Variants in RNF115 observed in about 807,000 individuals in gnomAD.
RNF115 encodes ring finger protein 115.
A neutral mutation model predicts 39.2 loss-of-function variants in RNF115; 31 were observed. The observed-to-expected ratio is 0.79, with a 90% CI of 0.59 to 1.07. RNF115 has a LOEUF of 1.07. Among genes scored for constraint, RNF115 ranks in the 50% least tolerant of loss-of-function variants. The pLI is 0.00. For synonymous variants in RNF115, 124 were observed against 131.0 expected (o/e 0.95, Z 0.37); for missense variants, 384 against 381.7 (o/e 1.01, Z -0.05).
At chr1:145,819,066 T>C (rs1427813934) in intron 1 of RNF115, among the ~76,000 whole-genome samples, 3 of 145,410 alleles carry the variant, frequency 2.1e-5, no homozygotes, top group African/African-American at 7.5e-5. Context: ...CCTGGAAACA[T>C]ACAACCTCAC....
At chr1:145,808,577 C>A (rs1649560752) in intron 1 of RNF115, among the ~76,000 whole-genome samples, 1 of 152,118 alleles carries the variant, frequency 6.6e-6, no homozygotes, top group Non-Finnish European at 1.5e-5. Flanking sequence ...CTAAAACATA[C>A]AAATCAAGAC....
intron 4 of RNF115, among the ~76,000 whole-genome samples, chr1:145,766,469 C>T (rs1300013944): frequency 2.6e-5 from 4 of 152,152 alleles, no homozygotes; most frequent in Admixed American, 2.0e-4. Flanking sequence ...TTCCACAAAA[C>T]CGCCATTGTC....
At chr1:145,768,013 G>A (rs1209915615) in intron 4 of RNF115, among the ~76,000 whole-genome samples, 2 of 152,170 alleles carry the variant, frequency 1.3e-5, no homozygotes, top group African/African-American at 2.4e-5. Flanking sequence ...AGAGGGAGAG[G>A]GAGAGGGAGC....
rs1303423987 is a variant in RNF115, at chr1:145,739,208, A to T, written c.*7658T>A. On this transcript the variant is annotated 3_prime_UTR_variant, in exon 9 of 9. Coordinates refer to ENST00000582693, the MANE Select transcript of RNF115 (RefSeq NM_014455.4). ...CACAAACTCTCTTCTTTCTCTTTGGACAGATGACCTCTTGTCATAGTTAAG... is the reference window on the plus strand; with the variant it reads ...CACAAACTCTCTTCTTTCTCTTTGGTCAGATGACCTCTTGTCATAGTTAAG... The T allele has an allele frequency of 6.6e-6, 1 of 152,224 alleles. No homozygotes were observed. Among genetic ancestry groups the T allele is most frequent in the Non-Finnish European group, 1.5e-5 (1 of 68,044 alleles). 9.4% of individuals were successfully genotyped at this position (152,224 alleles called of 1,614,324 possible). A position where few individuals can be genotyped will look rare whatever the true frequency, so the allele number is the denominator to read the frequency against.
At chr1:145,807,473 A>ATTTTAAT (rs1293990803) in intron 1 of RNF115, among the ~76,000 whole-genome samples, 1 of 152,194 alleles carries the variant, frequency 6.6e-6, no homozygotes, top group Non-Finnish European at 1.5e-5. Flanking sequence ...TAAACCAACA[A>ATTTTAAT]TTTTAAAGAT....
chr1:145,766,068 G>C (rs1273348455), intron 4 of RNF115, among the ~76,000 whole-genome samples: 1 of 151,844 alleles, frequency 6.6e-6, no homozygotes, highest in Non-Finnish European at 1.5e-5. Context: ...CAGGGTCATA[G>C]GACAATAGTG....
In RNF115 at chr1:145,740,606, C is replaced by A. The variant is rs1435539695; in HGVS notation, c.*6260G>T. 1.3e-5 allele frequency: 2 copies of A among 152,188 alleles called. No individual in the cohort carries two copies. Among genetic ancestry groups the A allele is most frequent in the African/African-American group, 4.8e-5 (2 of 41,412 alleles). The allele number at this position is 152,188 out of a possible 1,614,324, so 9.4% of individuals were successfully genotyped here. On this transcript the variant is annotated 3_prime_UTR_variant, in exon 9 of 9. Coordinates refer to ENST00000582693, the MANE Select transcript of RNF115 (RefSeq NM_014455.4). ...AATCTGTATGAGTGATTCACAAACA[C>A]GGGTTTTGAACCTGTGAGGCCATGA...
At chr1:145,795,283 G>A (rs191393807) in intron 1 of RNF115, among the ~76,000 whole-genome samples, 1 of 152,204 alleles carries the variant, frequency 6.6e-6, no homozygotes, top group East Asian at 1.9e-4. Context: ...AAGTAGTGCA[G>A]ACCCAAAGAG....
Position 145,747,916 on chromosome 1 carries a change from T to C in RNF115, c.783+79A>G. 3 of 949,880 alleles carry C rather than the reference T, an allele frequency of 3.2e-6. No homozygotes were observed. In the South Asian group the frequency reaches 3.9e-5, roughly 12 times the overall value. 58.8% of individuals were successfully genotyped at this position (949,880 alleles called of 1,614,324 possible). On this transcript the variant is annotated intron_variant, in intron 8 of 8. Coordinates refer to ENST00000582693, the MANE Select transcript of RNF115 (RefSeq NM_014455.4). ...GGGATTTATGGGATAAAATCTGATC[T>C]ACTTGGATCTCGAGGAACTGTTAAC...
At position 145,747,917 on chromosome 1, in the gene RNF115, A is replaced by G. The variant is rs371891746; in HGVS notation, c.783+78T>C. ...GGATTTATGGGATAAAATCTGATCT[A>G]CTTGGATCTCGAGGAACTGTTAACT... On this transcript the variant is annotated intron_variant, in intron 8 of 8. Transcript: ENST00000582693. 5.2e-5 allele frequency: 50 copies of G among 958,092 alleles called. 1 individual carries two copies. Among genetic ancestry groups the G allele is most frequent in the East Asian group, 2.4e-4 (10 of 41,562 alleles). The allele number at this position is 958,092 out of a possible 1,614,324, so 59.3% of individuals were successfully genotyped here. A position where few individuals can be genotyped will look rare whatever the true frequency, so the allele number is the denominator to read the frequency against.
chr1:145,772,821 C>T (rs1245213433), intron 3 of RNF115: 1 of 152,092 alleles, frequency 6.6e-6, no homozygotes, highest in Admixed American at 6.5e-5. Context: ...TTTTCTGCAC[C>T]TTTCTCCCTC....
chr1:145,789,281 G>A (rs1365615118), intron 1 of RNF115, among the ~76,000 whole-genome samples: 1 of 151,814 alleles, frequency 6.6e-6, no homozygotes, highest in Non-Finnish European at 1.5e-5. Context: ...TTTATTTTTT[G>A]TAGAGGATGA....
At chr1:145,773,275 C>T (rs972567183) in intron 3 of RNF115, 3 of 151,882 alleles carry the variant, frequency 2.0e-5, no homozygotes, top group African/African-American at 4.8e-5. Flanking sequence ...TCTTCACATG[C>T]TTCGTAATTT....
intron 3 of RNF115, among the ~76,000 whole-genome samples, chr1:145,779,228 G>A (rs2101547851): frequency 6.6e-6 from 1 of 150,930 alleles, no homozygotes; most frequent in South Asian, 2.1e-4. Flanking sequence ...AGGCTGGGGT[G>A]CAGTGGCACG....
At position 145,746,052 on chromosome 1, in the gene RNF115, C is replaced by T. The variant is rs1657863851; in HGVS notation, c.*814G>A. 1 of 151,494 alleles carries T rather than the reference C, an allele frequency of 6.6e-6. No homozygotes were observed. Among genetic ancestry groups the T allele is most frequent in the Non-Finnish European group, 1.5e-5 (1 of 67,910 alleles). The allele number at this position is 151,494 out of a possible 1,614,324, so 9.4% of individuals were successfully genotyped here. On this transcript the variant is annotated 3_prime_UTR_variant, in exon 9 of 9. Coordinates refer to ENST00000582693, the MANE Select transcript of RNF115 (RefSeq NM_014455.4). ...CCATCCTGGCTAACACGGTGAAACC[C>T]CATCTCTACTAAATATACAAAAAAT...
chr1:145,760,866 T>C (rs782664573), intron 4 of RNF115, among the ~76,000 whole-genome samples: 3 of 152,174 alleles, frequency 2.0e-5, no homozygotes, highest in Non-Finnish European at 4.4e-5. Context: ...GTGGGAAAAT[T>C]TGGAACTTCC....
chr1:145,752,893 G>T (rs1414259569), intron 5 of RNF115, 85 bp downstream of exon 5: 2 of 981,528 alleles, frequency 2.0e-6, no homozygotes, highest in Admixed American at 1.9e-5. Flanking sequence ...GGCCTATGCA[G>T]CTCTTTTTCT....
chr1:145,786,406 A>G (rs587773346), intron 2 of RNF115, among the ~76,000 whole-genome samples: 1 of 152,340 alleles, frequency 6.6e-6, no homozygotes, highest in South Asian at 2.1e-4. Flanking sequence ...CTCTAAGACA[A>G]GGATTCTAAG....
chr1:145,795,952 G>T (rs1307395494), intron 1 of RNF115, among the ~76,000 whole-genome samples: 1 of 152,136 alleles, frequency 6.6e-6, no homozygotes, highest in East Asian at 1.9e-4. Flanking sequence ...GAATACACAA[G>T]ATCTTCATTC....
Sources: allele counts gnomAD v4.1 joint callset (sites outside exome capture counted in the v4.1 genomes callset), GRCh38; gene constraint gnomAD v4.1.1; transcripts MANE v1.5; gene names NCBI Gene and HGNC (gene_info 2026-07-23, HGNC 2026-07-21).